GPHN: variants seen among roughly 807,000 people sequenced by gnomAD.
GPHN encodes the protein gephyrin.
Under a neutral mutation model 95.5 loss-of-function variants are expected in GPHN, and 17 were observed. The ratio of observed to expected loss-of-function variants is 0.18; its 90% CI spans 0.12 to 0.27. The LOEUF is 0.27. GPHN is among the 10% of genes least tolerant of loss of function. The pLI is 1.00. For synonymous variants in GPHN, 320 were observed against 322.5 expected (o/e 0.99, Z 0.08); for missense variants, 660 against 978.1 (o/e 0.67, Z 4.34).
At chr14:66,737,731 T>G (rs539143460) in intron 2 of GPHN, among the ~76,000 whole-genome samples, 2 of 152,212 alleles carry the variant, frequency 1.3e-5, no homozygotes, top group African/African-American at 4.8e-5. Flanking sequence ...TGATTCTTTT[T>G]TGCTTACAGC....
intron 1 of GPHN, among the ~76,000 whole-genome samples, chr14:66,598,447 A>G (rs2062076407): frequency 1.3e-5 from 2 of 152,122 alleles, no homozygotes; most frequent in African/African-American, 4.8e-5. Context: ...CCATAGTTTT[A>G]TATTTAGTGA....
chr14:67,324,990 C>T, the GPHN span, among the ~76,000 whole-genome samples: 6 of 149,224 alleles, frequency 4.0e-5, no homozygotes, highest in South Asian at 2.1e-4. Context: ...CTGCAAGCTC[C>T]GCCTCCCAGG....
intron 1 of GPHN, among the ~76,000 whole-genome samples, chr14:66,573,965 A>G (rs533729651): frequency 1.4e-4 from 22 of 152,134 alleles, no homozygotes; most frequent in Admixed American, 1.2e-3. Flanking sequence ...TTAAATATCC[A>G]TTCAGCCGCT....
intron 10 of GPHN, among the ~76,000 whole-genome samples, chr14:67,034,203 G>A (rs1055004118): frequency 3.3e-5 from 5 of 152,158 alleles, no homozygotes; most frequent in Non-Finnish European, 5.9e-5. Flanking sequence ...ATGGTGGCAT[G>A]TAAATCACAT....
chr14:66,699,628 C>T (rs2068376844), intron 2 of GPHN, among the ~76,000 whole-genome samples: 1 of 152,026 alleles, frequency 6.6e-6, no homozygotes, highest in South Asian at 2.1e-4. Context: ...GAACAAAATC[C>T]AGCTTTTTAA....
chr14:67,650,951 A>G, the GPHN span: 1 of 1,599,246 alleles, frequency 6.3e-7, no homozygotes. Context: ...GTTTCACAAC[A>G]GGCATTCCAG....
At chr14:66,575,596 A>T (rs993856479) in intron 1 of GPHN, among the ~76,000 whole-genome samples, 6 of 152,176 alleles carry the variant, frequency 3.9e-5, no homozygotes, top group African/African-American at 1.4e-4. Flanking sequence ...TGCCCATGTC[A>T]GCAGTTTGTC....
At chr14:66,672,702 C>A (rs756442131) in intron 1 of GPHN, among the ~76,000 whole-genome samples, 2 of 152,210 alleles carry the variant, frequency 1.3e-5, no homozygotes, top group Non-Finnish European at 2.9e-5. Flanking sequence ...GAAATCTGCT[C>A]TGTCTGAAAT....
At chr14:67,011,296 G>A (rs535861932) in intron 9 of GPHN, among the ~76,000 whole-genome samples, 1 of 151,908 alleles carries the variant, frequency 6.6e-6, no homozygotes, top group East Asian at 1.9e-4. Context: ...TTAAAGGCCT[G>A]GCACAGTGGC....
intron 8 of GPHN, among the ~76,000 whole-genome samples, chr14:66,949,719 C>G (rs936079043): frequency 6.6e-6 from 1 of 152,072 alleles, no homozygotes; most frequent in Non-Finnish European, 1.5e-5. Flanking sequence ...AGCCTTGCAA[C>G]TTTGCTTTAA....
chr14:66,915,574 T>C (rs1436904830), intron 5 of GPHN, among the ~76,000 whole-genome samples: 1 of 152,208 alleles, frequency 6.6e-6, no homozygotes, highest in African/African-American at 2.4e-5. Flanking sequence ...CTTTAAAACT[T>C]ATAGACTTCC....
At chr14:67,005,061 A>G (rs1370600674) in intron 9 of GPHN, among the ~76,000 whole-genome samples, 3 of 151,668 alleles carry the variant, frequency 2.0e-5, no homozygotes, top group Non-Finnish European at 3.0e-5. Context: ...ATGCACAGCA[A>G]AAGTAGTTTG....
chr14:67,577,218 A>G, the GPHN span: 72 of 866,526 alleles, frequency 8.3e-5, no homozygotes, highest in Middle Eastern at 1.7e-3. Context: ...TATCTTCCCC[A>G]TAAATTAAAG....
chr14:67,333,740 C>T, the GPHN span: 1 of 152,456 alleles, frequency 6.6e-6, no homozygotes, highest in Non-Finnish European at 1.5e-5. Flanking sequence ...GCTTCCCTTC[C>T]CTCATCAGCA....
At chr14:67,501,204 A>T in the GPHN span, among the ~76,000 whole-genome samples, 1 of 152,112 alleles carries the variant, frequency 6.6e-6, no homozygotes, top group East Asian at 1.9e-4. Flanking sequence ...CCCTGAGGAC[A>T]CATCAGTTCA....
At chr14:66,581,228 T>TA (rs55870261) in intron 1 of GPHN, among the ~76,000 whole-genome samples, 40,133 of 138,882 alleles carry the variant, frequency 0.29, 8,523 homozygotes, top group African/African-American at 0.57. Flanking sequence ...GGTGAAGATG[T>TA]AAAAAAAAAA....
chr14:67,412,020 TCTTGACCAGGAAGCCCTC>T, the GPHN span: 1 of 1,555,452 alleles, frequency 6.4e-7, no homozygotes. Flanking sequence ...GCACTCACCC[TCTTGACCAGGAAGCCCTC>T]CTTGAGCACG....
intron 9 of GPHN, among the ~76,000 whole-genome samples, chr14:66,987,238 T>C (rs1594738901): frequency 6.6e-6 from 1 of 152,206 alleles, no homozygotes; most frequent in South Asian, 2.1e-4. Context: ...CCATTAATGG[T>C]TTAAACTATG....
the GPHN span, chr14:67,690,528 C>T: frequency 1.1e-6 from 1 of 883,018 alleles, no homozygotes; most frequent in South Asian, 1.6e-5. Context: ...GAAATAAGGT[C>T]TTTCCCTCCA....
Sources: gnomAD v4.1 joint callset for allele counts (sites outside exome capture counted in the v4.1 genomes callset) on GRCh38, gnomAD v4.1.1 for gene constraint, MANE v1.5 for transcripts, NCBI Gene and HGNC (gene_info 2026-07-23, HGNC 2026-07-21) for gene names.